Variants in NEDD4L observed in about 807,000 individuals in gnomAD.
NEDD4L encodes the protein NEDD4 like E3 ubiquitin protein ligase, also known as E3 ubiquitin-protein ligase NEDD4-like.
Under a neutral mutation model 148.9 loss-of-function variants are expected in NEDD4L, and 54 were observed. That is an observed-to-expected ratio of 0.36 (90% confidence interval 0.29 to 0.45). The LOEUF is 0.45. NEDD4L is among the 20% of genes least tolerant of loss of function. NEDD4L has a pLI of 1.00. For missense variants in NEDD4L, 856 were observed against 1,233.8 expected (o/e 0.69, Z 4.59); for synonymous variants, 433 against 440.7 (o/e 0.98, Z 0.22).
chr18:58,250,707 C>T (rs2047825422), intron 4 of NEDD4L, among the ~76,000 whole-genome samples: 1 of 152,162 alleles, frequency 6.6e-6, no homozygotes, highest in Admixed American at 6.5e-5. Flanking sequence ...TCTGCTTTAC[C>T]ATTTAGAGCC....
At chr18:58,137,926 T>C (rs1395818832) in intron 1 of NEDD4L, among the ~76,000 whole-genome samples, 1 of 152,198 alleles carries the variant, frequency 6.6e-6, no homozygotes, top group Non-Finnish European at 1.5e-5. Context: ...CCCAGTTGTG[T>C]CAGCCTCTTT....
chr18:58,390,914 A>G (rs1602052121), intron 29 of NEDD4L, among the ~76,000 whole-genome samples, 172 bp downstream of exon 29: 1 of 152,032 alleles, frequency 6.6e-6, no homozygotes, highest in Non-Finnish European at 1.5e-5. Context: ...TATACTTTAT[A>G]TAGATAACAT....
At position 58,309,696 on chromosome 18, in the gene NEDD4L, C is replaced by CA. The variant is rs34644761; in HGVS notation, c.298-6272dup. Among the ~76,000 whole-genome samples, 2,416 of 137,214 alleles carry CA rather than the reference C, an allele frequency of 0.018. 131 individuals are homozygous for CA. In the East Asian group the frequency reaches 0.21, roughly 12 times the overall value. The allele number at this position is 137,214 out of a possible 152,430, so 90.0% of individuals were successfully genotyped here. ...TTCAGATTATCAAGTGCTCCTCCTG[C>CA]AAAAAAAAAAAAAATGGTGATTCTT... On this transcript the variant is annotated intron_variant, in intron 5 of 30. Transcript: ENST00000400345.
At chr18:58,172,696 T>C (rs1205582715) in intron 2 of NEDD4L, among the ~76,000 whole-genome samples, 1 of 152,202 alleles carries the variant, frequency 6.6e-6, no homozygotes, top group Non-Finnish European at 1.5e-5. Context: ...TGGAACCCAA[T>C]GTAATGTCAT....
rs193250981 is a variant in NEDD4L, at chr18:58,294,752, C to T, written c.298-21230C>T. On this transcript the variant is annotated intron_variant, in intron 5 of 30. Coordinates refer to ENST00000400345, the MANE Select transcript of NEDD4L (RefSeq NM_001144967.3). Reference sequence around the variant, plus strand: ...CCAGGCTGGTCTTGAACTCCCGGGCCTCAGGCAATCCTCCTGCCTCAGCCT... The same window carrying T: ...CCAGGCTGGTCTTGAACTCCCGGGCTTCAGGCAATCCTCCTGCCTCAGCCT... Among the ~76,000 whole-genome samples, 288 of 151,966 alleles carry T rather than the reference C, an allele frequency of 1.9e-3. 1 individual carries two copies. Among genetic ancestry groups the T allele is most frequent in the Middle Eastern group, 3.4e-3 (1 of 294 alleles).
At chr18:58,299,288 A>G (rs1433912181) in intron 5 of NEDD4L, among the ~76,000 whole-genome samples, 4 of 152,238 alleles carry the variant, frequency 2.6e-5, no homozygotes, top group African/African-American at 4.8e-5. Flanking sequence ...CCTCCTGTCT[A>G]CAGTTCCCTT....
chr18:58,073,546 A>C (rs1385662752), intron 1 of NEDD4L, among the ~76,000 whole-genome samples: 4 of 152,268 alleles, frequency 2.6e-5, no homozygotes, highest in African/African-American at 9.6e-5. Context: ...CCATTAAACC[A>C]CTAAGCTCAG....
intron 1 of NEDD4L, among the ~76,000 whole-genome samples, chr18:58,161,399 T>C (rs2146521752): frequency 6.6e-6 from 1 of 151,868 alleles, no homozygotes; most frequent in South Asian, 2.1e-4. Context: ...AATTTTTCTT[T>C]TGCTTTCCTT....
intron 1 of NEDD4L, among the ~76,000 whole-genome samples, chr18:58,128,865 C>T (rs1189520371): frequency 6.6e-6 from 1 of 152,174 alleles, no homozygotes; most frequent in Non-Finnish European, 1.5e-5. Flanking sequence ...TGACTGCGAG[C>T]TCACGGTACT....
intron 2 of NEDD4L, among the ~76,000 whole-genome samples, chr18:58,220,231 A>G (rs2043587645): frequency 6.6e-6 from 1 of 152,172 alleles, no homozygotes; most frequent in Admixed American, 6.5e-5. Context: ...CCTTGGCAAC[A>G]TGGCAAAACC....
chr18:58,184,114 AC>A (rs1472712313), intron 2 of NEDD4L, among the ~76,000 whole-genome samples: 2 of 152,112 alleles, frequency 1.3e-5, no homozygotes, highest in Non-Finnish European at 2.9e-5. Context: ...GGTTGCAGTG[AC>A]CCGAGATCGC....
chr18:58,195,734 G>A (rs777891972), intron 2 of NEDD4L: 4 of 1,350,284 alleles, frequency 3.0e-6, no homozygotes, highest in Non-Finnish European at 3.9e-6. Flanking sequence ...CTGGAATCTG[G>A]TAAGTGCCAC....
intron 6 of NEDD4L, among the ~76,000 whole-genome samples, chr18:58,321,508 C>T (rs999436291): frequency 3.9e-5 from 6 of 152,190 alleles, no homozygotes; most frequent in African/African-American, 1.4e-4. Flanking sequence ...AGTTGGTCTT[C>T]TAAGTCATAG....
chr18:58,132,341 C>A (rs865806274), intron 1 of NEDD4L, among the ~76,000 whole-genome samples: 4 of 152,200 alleles, frequency 2.6e-5, no homozygotes, highest in African/African-American at 9.7e-5. Flanking sequence ...GGCTGCCACA[C>A]AGGAATGGGT....
At chr18:58,202,331 C>T (rs1410246163) in intron 2 of NEDD4L, among the ~76,000 whole-genome samples, 1 of 152,242 alleles carries the variant, frequency 6.6e-6, no homozygotes, top group Non-Finnish European at 1.5e-5. Context: ...TTTCCCTCTG[C>T]CTATTATTGG....
At chr18:58,387,570 T>G in intron 27 of NEDD4L, 72 bp downstream of exon 27, 1 of 1,370,186 alleles carries the variant, frequency 7.3e-7, no homozygotes, top group Non-Finnish European at 9.8e-7. Context: ...ACAAGTAATA[T>G]TTTAATATTC....
At chr18:58,128,293 C>G (rs543130747) in intron 1 of NEDD4L, among the ~76,000 whole-genome samples, 2 of 152,148 alleles carry the variant, frequency 1.3e-5, no homozygotes, top group Non-Finnish European at 2.9e-5. Context: ...GTGATCCACC[C>G]GCCTCGGCCT....
At chr18:58,154,452 C>T (rs1477797059) in intron 1 of NEDD4L, among the ~76,000 whole-genome samples, 1 of 152,202 alleles carries the variant, frequency 6.6e-6, no homozygotes, top group Middle Eastern at 3.2e-3. Flanking sequence ...TCAGATGTTG[C>T]TTCCAGTGCA....
At chr18:58,292,571 C>T (rs922255265) in intron 5 of NEDD4L, among the ~76,000 whole-genome samples, 3 of 152,358 alleles carry the variant, frequency 2.0e-5, no homozygotes, top group Admixed American at 2.0e-4. Flanking sequence ...TACCTTGCTC[C>T]TGGCTCACAT....
Sources: gnomAD v4.1 joint callset for allele counts (sites outside exome capture counted in the v4.1 genomes callset) on GRCh38, gnomAD v4.1.1 for gene constraint, MANE v1.5 for transcripts, NCBI Gene and HGNC (gene_info 2026-07-23, HGNC 2026-07-21) for gene names.